Variants in NOMO1 observed in about 807,000 individuals in gnomAD.
NOMO1 encodes nodal modulator 3.
NOMO1 carries 40 observed loss-of-function variants against 133.8 expected under a neutral mutation model. The ratio of observed to expected loss-of-function variants is 0.30; its 90% CI spans 0.23 to 0.39. The LOEUF is 0.39. NOMO1 is among the 10% of genes least tolerant of loss of function. The pLI is 1.00. For missense variants in NOMO1, 462 were observed against 1,419.9 expected (o/e 0.33, Z 10.84); for synonymous variants, 236 against 570.5 (o/e 0.41, Z 8.36).
At chr16:14,871,228 G>C (rs1425710884) in intron 16 of NOMO1, among the ~76,000 whole-genome samples, 1 of 151,294 alleles carries the variant, frequency 6.6e-6, no homozygotes, top group African/African-American at 2.4e-5. Flanking sequence ...GGAAGAAATT[G>C]AGGCTGTGGT....
intron 4 of NOMO1, among the ~76,000 whole-genome samples, chr16:14,845,760 G>T (rs1456839641): frequency 2.0e-5 from 3 of 151,574 alleles, no homozygotes; most frequent in African/African-American, 4.9e-5. Flanking sequence ...TAGAGATGGG[G>T]ATCTTGGGTA....
intron 28 of NOMO1, among the ~76,000 whole-genome samples, chr16:14,887,823 A>C (rs1425908329): frequency 6.6e-6 from 1 of 151,890 alleles, no homozygotes; most frequent in Non-Finnish European, 1.5e-5. Context: ...CAGTTTCCTC[A>C]TGATGGGGGA....
intron 27 of NOMO1, 137 bp from the exon 28 acceptor site, chr16:14,886,624 T>C (rs1232689773): frequency 2.0e-5 from 23 of 1,157,510 alleles, no homozygotes; most frequent in Non-Finnish European, 2.6e-5. Context: ...GTGATGTCTA[T>C]GGAGGGAGCT....
chr16:14,866,819 C>G (rs1964003131), intron 15 of NOMO1, 128 bp downstream of exon 15: 2 of 1,593,316 alleles, frequency 1.3e-6, no homozygotes, highest in South Asian at 1.1e-5. Flanking sequence ...CTCCACTCGC[C>G]CACCTGTTAC....
intron 16 of NOMO1, among the ~76,000 whole-genome samples, chr16:14,869,843 G>A (rs60239231): frequency 0.73 from 96,375 of 131,266 alleles, 36,695 homozygotes; most frequent in Admixed American, 0.82. Flanking sequence ...AGGCTGTGTC[G>A]TTTGATATTC....
intron 15 of NOMO1, among the ~76,000 whole-genome samples, 167 bp from the exon 16 acceptor site, chr16:14,868,381 C>T (rs1964034464): frequency 8.3e-6 from 1 of 119,810 alleles, no homozygotes; most frequent in Non-Finnish European, 1.7e-5. Context: ...TGAAAAATAG[C>T]ACACTTTTGT....
chr16:14,836,694 C>CTTT (rs954619401), intron 1 of NOMO1, among the ~76,000 whole-genome samples: 40 of 131,230 alleles, frequency 3.0e-4, no homozygotes, highest in Non-Finnish European at 4.7e-4. Flanking sequence ...TTCCATTTTA[C>CTTT]TTTTTTTTTT....
intron 8 of NOMO1, 104 bp from the exon 9 acceptor site, chr16:14,853,833 G>C (rs1416548621): frequency 1.1e-6 from 1 of 876,526 alleles, no homozygotes; most frequent in Non-Finnish European, 1.9e-6. Context: ...GTTTCTCTTG[G>C]TCTGTCTGAA....
intron 26 of NOMO1, among the ~76,000 whole-genome samples, chr16:14,883,793 GC>G (rs1156708300): frequency 1.3e-5 from 2 of 151,186 alleles, no homozygotes; most frequent in Admixed American, 6.6e-5. Context: ...AGGGAAGGGG[GC>G]CGGCCCTCTG....
intron 11 of NOMO1, among the ~76,000 whole-genome samples, chr16:14,860,173 G>C (rs767959958): frequency 1.3e-5 from 2 of 152,020 alleles, no homozygotes; most frequent in Non-Finnish European, 2.9e-5. Context: ...TTCAAGCCCA[G>C]CCTGGCCGCA....
At chr16:14,887,213 T>C (rs1964338595) in intron 28 of NOMO1, among the ~76,000 whole-genome samples, 1 of 152,102 alleles carries the variant, frequency 6.6e-6, no homozygotes. Flanking sequence ...AATTCAAAAC[T>C]GACACTGTTT....
Position 14,853,978 on chromosome 16 carries a change from G to A in NOMO1, c.915G>A (p.Ala305=), listed in dbSNP as rs202011350. The change falls in exon 9 of 31, where the codon GCG becomes GCA. Residue 305 remains alanine (A), a synonymous_variant. Transcript: ENST00000287667. ...GGGAGAGGATTACCTTTGATGTGGC[G>A]CCTTCCAGACTTGACTTCACAGTGG... ...YRGERITFDV[A]PSRLDFTVEH... 5.8e-5 allele frequency: 94 copies of A among 1,608,280 alleles called. 3 individuals carry two copies. In the Middle Eastern group the frequency reaches 1.4e-3, roughly 23 times the overall value.
At chr16:14,894,141 GA>G (rs1434573785) in intron 29 of NOMO1, among the ~76,000 whole-genome samples, 1 of 151,680 alleles carries the variant, frequency 6.6e-6, no homozygotes, top group Non-Finnish European at 1.5e-5. Flanking sequence ...TAGCAAGATG[GA>G]AATGTCTGTC....
intron 3 of NOMO1, among the ~76,000 whole-genome samples, chr16:14,843,010 C>T (rs530374879): frequency 5.6e-5 from 8 of 141,722 alleles, no homozygotes; most frequent in Non-Finnish European, 1.1e-4. Flanking sequence ...AACTTCTGCC[C>T]GGGTTCAAGC....
intron 29 of NOMO1, among the ~76,000 whole-genome samples, chr16:14,893,817 A>G (rs1373257402): frequency 3.3e-5 from 5 of 151,720 alleles, no homozygotes; most frequent in East Asian, 3.9e-4. Context: ...CACAAGCTAC[A>G]CATTCCGTTA....
At chr16:14,878,566 G>C (rs1202827413) in intron 22 of NOMO1, among the ~76,000 whole-genome samples, 155 bp from the exon 23 acceptor site, 9 of 143,394 alleles carry the variant, frequency 6.3e-5, no homozygotes, top group Non-Finnish European at 1.1e-4. Flanking sequence ...TACAACAGTA[G>C]TTACCTGTGG....
At chr16:14,892,848 G>A (rs1489657428) in intron 29 of NOMO1, among the ~76,000 whole-genome samples, 1 of 145,558 alleles carries the variant, frequency 6.9e-6, no homozygotes, top group Non-Finnish European at 1.5e-5. Context: ...TTTGTCTCAA[G>A]CCACATGGTT....
At chr16:14,878,512 A>G (rs1383359932) in intron 22 of NOMO1, among the ~76,000 whole-genome samples, 1 of 151,172 alleles carries the variant, frequency 6.6e-6, no homozygotes, top group African/African-American at 2.4e-5. Flanking sequence ...AAAAAAAAAA[A>G]AAAAAAAAAG....
chr16:14,843,066 C>T (rs1339979492), intron 3 of NOMO1, among the ~76,000 whole-genome samples: 2 of 126,560 alleles, frequency 1.6e-5, no homozygotes, highest in African/African-American at 6.0e-5. Flanking sequence ...TACAGGTGTG[C>T]ACCACCACAC....
Sources: gnomAD v4.1 joint callset for allele counts (sites outside exome capture counted in the v4.1 genomes callset) on GRCh38, gnomAD v4.1.1 for gene constraint, MANE v1.5 for transcripts, NCBI Gene and HGNC (gene_info 2026-07-23, HGNC 2026-07-21) for gene names.